The following CRACDL variants were observed in gnomAD, a reference collection of about 807,000 sequenced individuals.
CRACDL encodes CRACD like.
In CRACDL, 26 loss-of-function variants were observed where a neutral mutation model predicts 70.6. The observed-to-expected ratio is 0.37, with a 90% CI of 0.27 to 0.51. CRACDL has a LOEUF of 0.51. Ranked by LOEUF, CRACDL falls within the 20% of genes least tolerant of loss-of-function variation. The probability of loss-of-function intolerance (pLI) is 0.94; values close to 1 mark genes in which losing one functional copy is unlikely to be tolerated. For missense variants in CRACDL, 1,283 were observed against 1,376.9 expected, an observed-to-expected ratio of 0.93 and a Z score of 1.08; for synonymous variants, 618 against 615.2, an observed-to-expected ratio of 1.00 and a Z score of -0.07.
intron 1 of CRACDL, among the ~76,000 whole-genome samples, chr2:98,871,556 A>G (rs1707346582): frequency 6.6e-6 from 1 of 152,020 alleles, no homozygotes; most frequent in Admixed American, 6.6e-5. Context: ...CTCCCAAGAA[A>G]CCCTGGCAAG....
intron 5 of CRACDL, among the ~76,000 whole-genome samples, chr2:98,831,705 A>T (rs1170235326): frequency 6.6e-6 from 1 of 152,200 alleles, no homozygotes; most frequent in Non-Finnish European, 1.5e-5. Context: ...ATCGCGAGCT[A>T]TGTTGTTTAT....
intron 2 of CRACDL, chr2:98,840,726 CT>C (rs1189302137): frequency 6.6e-6 from 1 of 152,134 alleles, no homozygotes; most frequent in Non-Finnish European, 1.5e-5. Context: ...TCTAAAAGAG[CT>C]GTAATACAAC....
At chr2:98,905,550 C>T (rs1285582133) in intron 1 of CRACDL, among the ~76,000 whole-genome samples, 2 of 152,086 alleles carry the variant, frequency 1.3e-5, no homozygotes, top group African/African-American at 4.8e-5. Flanking sequence ...AATGGACTAA[C>T]ACACTGACCT....
chr2:98,860,958 C>A (rs758180175), intron 1 of CRACDL, among the ~76,000 whole-genome samples: 3 of 152,080 alleles, frequency 2.0e-5, no homozygotes, highest in Non-Finnish European at 4.4e-5. Flanking sequence ...ATAACTTGCA[C>A]AAAGAAGGCA....
At chr2:98,832,542 A>C (rs780756386) in intron 4 of CRACDL, 30 bp from the exon 5 acceptor site, 1 of 1,519,220 alleles carries the variant, frequency 6.6e-7, no homozygotes, top group African/African-American at 1.4e-5. Flanking sequence ...ATGTGCTCTT[A>C]TTTTCATCAA....
At chr2:98,912,782 G>C (rs1281264021) in intron 1 of CRACDL, 1 of 152,486 alleles carries the variant, frequency 6.6e-6, no homozygotes, top group Non-Finnish European at 1.5e-5. Flanking sequence ...TGGGAAGGAA[G>C]GCTGCTGCCA....
At chr2:98,839,274 G>A (rs1165613585) in intron 2 of CRACDL, among the ~76,000 whole-genome samples, 6 of 152,178 alleles carry the variant, frequency 3.9e-5, no homozygotes, top group Non-Finnish European at 7.3e-5. Flanking sequence ...ATCATTACAG[G>A]TAGAACAAAT....
intron 1 of CRACDL, among the ~76,000 whole-genome samples, chr2:98,866,357 C>T (rs745811955): frequency 6.6e-5 from 10 of 151,540 alleles, no homozygotes; most frequent in Non-Finnish European, 1.2e-4. Flanking sequence ...ATGTCACCAG[C>T]ATAGAACAGC....
At chr2:98,799,913 T>C (rs1021946722) in intron 7 of CRACDL, among the ~76,000 whole-genome samples, 1 of 152,158 alleles carries the variant, frequency 6.6e-6, no homozygotes, top group African/African-American at 2.4e-5. Context: ...TGTCTGACTT[T>C]TGTTCCTAAC....
At chr2:98,883,957 C>T (rs925696318) in intron 1 of CRACDL, among the ~76,000 whole-genome samples, 3 of 152,238 alleles carry the variant, frequency 2.0e-5, no homozygotes, top group Non-Finnish European at 4.4e-5. Context: ...GACAGACCTG[C>T]TCTGGCTGTC....
chr2:98,810,095 C>G (rs1466059909), intron 7 of CRACDL, among the ~76,000 whole-genome samples: 2 of 152,142 alleles, frequency 1.3e-5, no homozygotes, highest in Non-Finnish European at 2.9e-5. Context: ...AAGGATCACC[C>G]ACTGCAGGCT....
At chr2:98,906,437 T>C (rs986253943) in intron 1 of CRACDL, among the ~76,000 whole-genome samples, 1 of 152,034 alleles carries the variant, frequency 6.6e-6, no homozygotes, top group Admixed American at 6.5e-5. Context: ...AATTTTTGTA[T>C]TTTTAGTACA....
rs934885710 is a variant in CRACDL at position 98,803,156 on chromosome 2, C to T, written c.2417-5619G>A. Reference sequence around the variant, plus strand: ...CTGGGACTACAGGCATGCACCACCACGCTCAGCTAATTTTTTGTATTTTTT... The same window carrying T: ...CTGGGACTACAGGCATGCACCACCATGCTCAGCTAATTTTTTGTATTTTTT... On this transcript the variant is annotated intron_variant, in intron 7 of 9. Transcript: ENST00000397899. 2.2e-4 allele frequency among the ~76,000 whole-genome samples: 33 copies of T among 152,090 alleles called. 1 individual carries two copies. The highest frequency in any genetic ancestry group is 5.8e-4 in the East Asian group (3 of 5,174).
chr2:98,932,760 G>A (rs1177464432), intron 1 of CRACDL, among the ~76,000 whole-genome samples: 2 of 152,202 alleles, frequency 1.3e-5, no homozygotes, highest in East Asian at 3.9e-4. Context: ...TGAATACAGA[G>A]ATATTTTAAA....
At chr2:98,800,113 G>A (rs1280186259) in intron 7 of CRACDL, among the ~76,000 whole-genome samples, 2 of 152,212 alleles carry the variant, frequency 1.3e-5, no homozygotes, top group African/African-American at 4.8e-5. Context: ...TTTGCTATGA[G>A]CAAGGACGAC....
chr2:98,875,244 C>A (rs1707455178), intron 1 of CRACDL, among the ~76,000 whole-genome samples: 1 of 152,220 alleles, frequency 6.6e-6, no homozygotes, highest in Non-Finnish European at 1.5e-5. Context: ...CTTCACTCAG[C>A]ACATGAAGAC....
At chr2:98,807,344 T>C (rs551689678) in intron 7 of CRACDL, among the ~76,000 whole-genome samples, 1 of 152,364 alleles carries the variant, frequency 6.6e-6, no homozygotes, top group African/African-American at 2.4e-5. Flanking sequence ...TACTCAGCCT[T>C]GGCACTGCTG....
chr2:98,883,395 T>C (rs1466245550), intron 1 of CRACDL, among the ~76,000 whole-genome samples: 2 of 152,196 alleles, frequency 1.3e-5, no homozygotes, highest in Admixed American at 6.5e-5. Flanking sequence ...ACTTGGGTGC[T>C]GGAGGCTGGA....
At chr2:98,865,840 G>A (rs1573104369) in intron 1 of CRACDL, among the ~76,000 whole-genome samples, 1 of 123,760 alleles carries the variant, frequency 8.1e-6, no homozygotes, top group South Asian at 2.5e-4. Context: ...CGCTCTTGTT[G>A]CCCAGCCTAG....
Sources: gnomAD v4.1 joint callset for allele counts (sites outside exome capture counted in the v4.1 genomes callset) on GRCh38, gnomAD v4.1.1 for gene constraint, MANE v1.5 for transcripts, NCBI Gene and HGNC (gene_info 2026-07-23, HGNC 2026-07-21) for gene names.